The following KARS1 variants were observed in gnomAD, a reference collection of about 807,000 sequenced individuals.
KARS1 encodes the protein lysine--tRNA ligase.
KARS1 carries 50 observed loss-of-function variants against 63.9 expected under a neutral mutation model. That is an observed-to-expected ratio of 0.78 (90% CI 0.62 to 0.99). The LOEUF is 0.99. Among genes scored for constraint, KARS1 ranks in the 50% least tolerant of loss-of-function variants. The pLI, the probability that KARS1 is intolerant of heterozygous loss-of-function variation, is 0.00. For missense variants in KARS1, 816 were observed against 754.5 expected (o/e 1.08, Z -0.95); for synonymous variants, 320 against 264.6 (o/e 1.21, Z -2.03).
chr16:75,629,601 G>C (rs913167413), intron 11 of KARS1, 60 bp from the exon 12 acceptor site: 32 of 1,595,708 alleles, frequency 2.0e-5, no homozygotes, highest in East Asian at 1.3e-4. Flanking sequence ...GCTAAATTTT[G>C]TTTTTTCTTT....
chr16:75,633,937 A>G (rs2082136036), intron 7 of KARS1: 1 of 501,480 alleles, frequency 2.0e-6, no homozygotes, highest in African/African-American at 1.9e-5. Flanking sequence ...AAAGTAGGTA[A>G]GGAGTGCCTG....
At chr16:75,632,037 G>GCCA (rs1244514556) in intron 7 of KARS1, among the ~76,000 whole-genome samples, 182 bp from the exon 8 acceptor site, 1 of 152,100 alleles carries the variant, frequency 6.6e-6, no homozygotes, top group East Asian at 1.9e-4. Flanking sequence ...ACAGGCATGT[G>GCCA]CCACCACGCC....
chr16:75,629,682 C>T, intron 11 of KARS1, 141 bp from the exon 12 acceptor site: 1 of 869,574 alleles, frequency 1.1e-6, no homozygotes, highest in Non-Finnish European at 1.9e-6. Context: ...TCACTGCAAC[C>T]TCTGTCTCCT....
chr16:75,641,486 C>G, intron 2 of KARS1, 78 bp downstream of exon 2: 1 of 1,289,900 alleles, frequency 7.8e-7, no homozygotes, highest in Non-Finnish European at 1.1e-6. Context: ...CTCCTACTGT[C>G]CAGTCCCAAA....
At chr16:75,634,404 A>G (rs1036832955) in intron 6 of KARS1, 112 bp from the exon 7 acceptor site, 26 of 1,110,436 alleles carry the variant, frequency 2.3e-5, no homozygotes, top group African/African-American at 9.3e-5. Flanking sequence ...CTAAATGTTA[A>G]TAAGTTCAAC....
rs201043699 is a variant in KARS1 at position 75,636,486 on chromosome 16, C to T, written c.450G>A (p.Glu150=). ...GKLIFYDLRG[E]GVKLQVMANS... Reference sequence around the variant, plus strand: ...TGGCCATGACTTGCAACTTCACCCCCTCTCCTCGAAGATCATAGAAGATGA... The same window carrying T: ...TGGCCATGACTTGCAACTTCACCCCTTCTCCTCGAAGATCATAGAAGATGA... Residue 150 remains glutamate (E), a synonymous_variant, in exon 4 of 14, where the codon GAG becomes GAA. Coordinates refer to ENST00000302445, the MANE Select transcript of KARS1 (RefSeq NM_005548.3). 35 of 1,613,466 alleles carry T rather than the reference C, an allele frequency of 2.2e-5. No individual in the cohort carries two copies. The highest frequency in any genetic ancestry group is 2.7e-5 in the Non-Finnish European group (32 of 1,179,498).
chr16:75,629,536 C>T lies in KARS1; in HGVS notation c.1430G>A (p.Arg477His), dbSNP rs778748895. The change falls in exon 12 of 14, where the codon CGC (arginine) becomes CAC (histidine). Residue 477 changes from arginine (R) to histidine (H), a missense_variant. Coordinates refer to ENST00000302445, the MANE Select transcript of KARS1 (RefSeq NM_005548.3). ...QIMSPLAKWH[R>H]SKEGLTERFE... ...GCGCTCAGTCAGACCCTCTTTAGAG[C>T]GGTGCCTAGGGACAGGAGACCAAAG... The T allele has an allele frequency of 5.6e-6, 9 of 1,613,820 alleles. No homozygotes were observed. The highest frequency in any genetic ancestry group is 2.7e-5 in the African/African-American group (2 of 74,948).
intron 1 of KARS1, 200 bp downstream of exon 1, chr16:75,647,378 G>C: frequency 1.5e-6 from 1 of 653,628 alleles, no homozygotes; most frequent in Non-Finnish European, 2.8e-6. Context: ...GCCGGTGCCA[G>C]CTGGGAACGG....
chr16:75,631,873 C>G lies in KARS1; in HGVS notation c.916-18G>C. ...ACAAGCATCTAACAACAACACATGG[C>G]CACGGTCATGACAGCTAATCTTTTT... On this transcript the variant is annotated intron_variant, in intron 7 of 13. Coordinates refer to ENST00000302445, the MANE Select transcript of KARS1 (RefSeq NM_005548.3). 6.2e-7 allele frequency: 1 copy of G among 1,613,600 alleles called. No homozygotes were observed. Among genetic ancestry groups the G allele is most frequent in the Non-Finnish European group, 8.5e-7 (1 of 1,180,002 alleles).
chr16:75,636,457 G>C lies in KARS1; in HGVS notation c.479C>G (p.Ser160Cys), dbSNP rs371328850. ...EGVKLQVMAN[S>C]RNYKSEEEFI... ...ATAACTGGGTATTTCGAGATACCTG[G>C]AATTGGCCATGACTTGCAACTTCAC... Residue 160 changes from serine to cysteine, a missense_variant, in exon 4 of 14, where the codon TCC becomes TGC. Coordinates refer to ENST00000302445, the MANE Select transcript of KARS1 (RefSeq NM_005548.3). 10 of 1,600,452 alleles carry C rather than the reference G, an allele frequency of 6.2e-6. No homozygotes were observed. The highest frequency in any genetic ancestry group is 8.6e-6 in the Non-Finnish European group (10 of 1,167,694).
At chr16:75,636,627 C>A in intron 3 of KARS1, 80 bp from the exon 4 acceptor site, 1 of 921,420 alleles carries the variant, frequency 1.1e-6, no homozygotes, top group Non-Finnish European at 1.7e-6. Flanking sequence ...AAAACTCCCT[C>A]TGCATTTTTT....
At chr16:75,629,580 G>T in intron 11 of KARS1, 39 bp from the exon 12 acceptor site, 1 of 1,611,302 alleles carries the variant, frequency 6.2e-7, no homozygotes. Flanking sequence ...GAATATAGAG[G>T]CCCCTAATGA....
intron 13 of KARS1, 118 bp downstream of exon 13, chr16:75,628,451 T>A: frequency 8.4e-7 from 1 of 1,195,128 alleles, no homozygotes. Context: ...CTCCTCTGCC[T>A]GCTCCTCTTC....
chr16:75,635,814 A>C lies in KARS1; in HGVS notation c.670-9T>G. Reference sequence around the variant, plus strand: ...TGGCGATACCTTGTTTCCTAAACCAAAAGCAGCAGTTAGAAATCACTGGTA... The same window carrying C: ...TGGCGATACCTTGTTTCCTAAACCACAAGCAGCAGTTAGAAATCACTGGTA... On this transcript the variant is annotated splice_polypyrimidine_tract_variant and intron_variant, in intron 5 of 13. Coordinates refer to ENST00000302445, the MANE Select transcript of KARS1 (RefSeq NM_005548.3). 6.2e-7 allele frequency: 1 copy of C among 1,614,198 alleles called. No individual in the cohort carries two copies. Among genetic ancestry groups the C allele is most frequent in the Non-Finnish European group, 8.5e-7 (1 of 1,180,020 alleles).
chr16:75,642,042 G>C (rs1409644189), intron 1 of KARS1, among the ~76,000 whole-genome samples: 1 of 152,124 alleles, frequency 6.6e-6, no homozygotes, highest in Non-Finnish European at 1.5e-5. Context: ...CTATGCATTA[G>C]TTTTGAATAG....
chr16:75,628,426 G>T (rs1331684388), intron 13 of KARS1, 143 bp downstream of exon 13: 2 of 937,210 alleles, frequency 2.1e-6, no homozygotes, highest in Admixed American at 4.0e-5. Flanking sequence ...TGGCCCTCCT[G>T]TGAGTGGCAT....
chr16:75,629,492 T>G lies in KARS1; in HGVS notation c.1474A>C (p.Lys492Gln). 6.2e-7 allele frequency: 1 copy of G among 1,614,188 alleles called. No individual in the cohort carries two copies. The highest frequency in any genetic ancestry group is 8.5e-7 in the Non-Finnish European group (1 of 1,180,028). The change falls in exon 12 of 14, where the codon AAG becomes CAG. Residue 492 changes from lysine to glutamine, a missense_variant. Coordinates refer to ENST00000302445, the MANE Select transcript of KARS1 (RefSeq NM_005548.3). ...GTATACGCATTGCATATCTCTTTCT[T>G]CATGACAAACAGCTCAAAGCGCTCA... ...LTERFELFVMKKEICNAYTEL... is the reference protein window; with the variant it reads ...LTERFELFVMQKEICNAYTEL...
At position 75,640,110 on chromosome 16, in the gene KARS1, C is replaced by T. The variant is rs112603638; in HGVS notation, c.388+74G>A. ...TACTTGAGAACAAGACCAACCCAGA[C>T]CTTCCCTTGTGCTACTGAAGCCGCA... On this transcript the variant is annotated intron_variant, in intron 3 of 13. Coordinates refer to ENST00000302445, the MANE Select transcript of KARS1 (RefSeq NM_005548.3). The T allele has an allele frequency of 0.022, 28,753 of 1,301,640 alleles. 549 individuals carry two copies. The highest frequency in any genetic ancestry group is 0.065 in the South Asian group (5,494 of 84,608). 80.6% of individuals were successfully genotyped at this position (1,301,640 alleles called of 1,614,324 possible).
At position 75,627,799 on chromosome 16, in the gene KARS1, C is replaced by G; in HGVS notation, c.*96G>C. 1.2e-6 allele frequency: 1 copy of G among 803,638 alleles called. No individual in the cohort carries two copies. The highest frequency in any genetic ancestry group is 2.3e-6 in the Non-Finnish European group (1 of 442,832). The allele number at this position is 803,638 out of a possible 1,614,324, so 49.8% of individuals were successfully genotyped here. On this transcript the variant is annotated 3_prime_UTR_variant, in exon 14 of 14. Transcript: ENST00000302445. Reference sequence around the variant, plus strand: ...TGATGGCTGAACAGAACTGCGGTGTCAAATGGAAAGCAGCACACAAGAATT... The same window carrying G: ...TGATGGCTGAACAGAACTGCGGTGTGAAATGGAAAGCAGCACACAAGAATT...
Sources: allele counts gnomAD v4.1 joint callset (sites outside exome capture counted in the v4.1 genomes callset), GRCh38; gene constraint gnomAD v4.1.1; transcripts MANE v1.5; gene names NCBI Gene and HGNC (gene_info 2026-07-23, HGNC 2026-07-21).